Variants in RBFOX1 observed in about 807,000 individuals in gnomAD.
RBFOX1 encodes RNA binding fox-1 homolog 1.
A neutral mutation model predicts 57.7 loss-of-function variants in RBFOX1; 8 were observed. That is an observed-to-expected ratio of 0.14 (90% CI 0.08 to 0.25). The LOEUF (loss-of-function observed/expected upper bound fraction) is 0.25. Ranked by LOEUF, RBFOX1 falls within the 10% of genes least tolerant of loss-of-function variation. The pLI is 1.00. For missense variants in RBFOX1, 611 were observed against 548.5 expected, an observed-to-expected ratio of 1.11 and a Z score of -1.14; for synonymous variants, 326 against 222.4, an observed-to-expected ratio of 1.47 and a Z score of -4.15.
At chr16:6,798,878 C>T (rs1306559138) in intron 3 of RBFOX1, among the ~76,000 whole-genome samples, 1 of 152,080 alleles carries the variant, frequency 6.6e-6, no homozygotes, top group Non-Finnish European at 1.5e-5. Context: ...ACTGATGACT[C>T]TTCCTTTCTG....
intron 6 of RBFOX1, 60 bp from the exon 7 acceptor site, chr16:7,587,187 A>T: frequency 3.5e-6 from 5 of 1,434,240 alleles, no homozygotes; most frequent in Non-Finnish European, 4.6e-6. Context: ...TTACTACTGT[A>T]CATAGTAATG....
At chr16:7,583,139 C>G (rs1031071096) in intron 6 of RBFOX1, among the ~76,000 whole-genome samples, 1 of 138,270 alleles carries the variant, frequency 7.2e-6, no homozygotes, top group African/African-American at 2.7e-5. Flanking sequence ...ATTAAATCTT[C>G]TAGCTCATCT....
chr16:6,663,223 C>T (rs929565054), intron 3 of RBFOX1, among the ~76,000 whole-genome samples: 2 of 152,154 alleles, frequency 1.3e-5, no homozygotes, highest in Non-Finnish European at 2.9e-5. Context: ...GACTTACTGA[C>T]AATGGATGGG....
chr16:6,594,770 A>C (rs1345856006), intron 2 of RBFOX1, among the ~76,000 whole-genome samples: 1 of 151,980 alleles, frequency 6.6e-6, no homozygotes, highest in Non-Finnish European at 1.5e-5. Flanking sequence ...CACCTATTTA[A>C]AGTGTACACT....
intron 4 of RBFOX1, among the ~76,000 whole-genome samples, chr16:7,130,050 T>TTTTTTA (rs2069816827): frequency 6.8e-6 from 1 of 146,926 alleles, no homozygotes; most frequent in African/African-American, 2.5e-5. Flanking sequence ...TTTTTTTTTT[T>TTTTTTA]GAGACAGAGC....
intron 1 of RBFOX1, among the ~76,000 whole-genome samples, chr16:6,206,549 G>A (rs548630310): frequency 1.3e-5 from 2 of 152,178 alleles, no homozygotes; most frequent in Non-Finnish European, 2.9e-5. Context: ...ATCTCCAGGA[G>A]CTGGCGATAT....
intron 1 of RBFOX1, among the ~76,000 whole-genome samples, chr16:5,458,354 G>A (rs1032333642): frequency 6.6e-6 from 1 of 152,112 alleles, no homozygotes; most frequent in Non-Finnish European, 1.5e-5. Context: ...GAAGGGGGTT[G>A]AGGGTCTGTG....
intron 3 of RBFOX1, among the ~76,000 whole-genome samples, chr16:6,778,921 A>T (rs2079857450): frequency 1.3e-5 from 2 of 151,642 alleles, no homozygotes. Context: ...ATTTATGGGG[A>T]CATTTTTATA....
chr16:6,037,956 A>G (rs1269014984), intron 1 of RBFOX1: 1 of 152,042 alleles, frequency 6.6e-6, no homozygotes, highest in East Asian at 1.9e-4. Context: ...GGTTCAGTTA[A>G]TGGCCCATTG....
rs2048211259 is a variant in RBFOX1, at chr16:5,621,888, G to C, written c.318+22927G>C. Among the ~76,000 whole-genome samples, 3 of 152,302 alleles carry C rather than the reference G, an allele frequency of 2.0e-5. No individual in the cohort carries two copies. In the South Asian group the frequency reaches 6.2e-4, roughly 32 times the overall value. On this transcript the variant is annotated intron_variant, in intron 3 of 19. Transcript: ENST00000641259. ...AATGCTTAGGGGTAGTAGTGATGAT[G>C]TCCATACCAGGAAAACATCTTTCAG...
At chr16:6,710,915 G>C (rs984191002) in intron 3 of RBFOX1, among the ~76,000 whole-genome samples, 1 of 152,208 alleles carries the variant, frequency 6.6e-6, no homozygotes, top group Non-Finnish European at 1.5e-5. Flanking sequence ...CTAGAAGACA[G>C]GGAGGGGATG....
chr16:6,724,919 A>G (rs1315291484), intron 3 of RBFOX1, among the ~76,000 whole-genome samples: 2 of 151,902 alleles, frequency 1.3e-5, no homozygotes, highest in Non-Finnish European at 2.9e-5. Context: ...TTGCTGTAGC[A>G]TTTGTAAACT....
At chr16:6,373,579 G>C (rs1475079085) in intron 2 of RBFOX1, among the ~76,000 whole-genome samples, 1 of 152,010 alleles carries the variant, frequency 6.6e-6, no homozygotes, top group Non-Finnish European at 1.5e-5. Context: ...AATGGAGATT[G>C]GGTGGAAGTA....
chr16:6,828,671 T>G (rs1462366771), intron 3 of RBFOX1, among the ~76,000 whole-genome samples: 1 of 151,982 alleles, frequency 6.6e-6, no homozygotes, highest in East Asian at 1.9e-4. Flanking sequence ...TAGGACCTCA[T>G]GATGTGTTTG....
At chr16:6,053,569 A>C (rs1018910295) in intron 1 of RBFOX1, among the ~76,000 whole-genome samples, 2 of 152,254 alleles carry the variant, frequency 1.3e-5, no homozygotes, top group African/African-American at 4.8e-5. Context: ...AATGACTATT[A>C]GTCACAGTTT....
chr16:6,194,992 C>G (rs1047609590), intron 1 of RBFOX1, among the ~76,000 whole-genome samples: 1 of 152,098 alleles, frequency 6.6e-6, no homozygotes, highest in African/African-American at 2.4e-5. Flanking sequence ...TTAGTTCATT[C>G]TTTTTTAATT....
At chr16:5,320,957 A>G (rs2064386212) in intron 1 of RBFOX1, among the ~76,000 whole-genome samples, 1 of 152,194 alleles carries the variant, frequency 6.6e-6, no homozygotes, top group South Asian at 2.1e-4. Context: ...CTCTGCCCAC[A>G]GAACAGCTGT....
At chr16:5,635,463 C>T (rs181806145) in intron 3 of RBFOX1, among the ~76,000 whole-genome samples, 7 of 152,224 alleles carry the variant, frequency 4.6e-5, no homozygotes, top group East Asian at 1.9e-4. Context: ...AAACTAGGGC[C>T]GGGGACTGGA....
chr16:7,499,643 C>A (rs1327421418), intron 4 of RBFOX1, among the ~76,000 whole-genome samples: 1 of 152,062 alleles, frequency 6.6e-6, no homozygotes, highest in African/African-American at 2.4e-5. Flanking sequence ...CGAGAAAAAA[C>A]AGTAAGTGAA....
Sources: gnomAD v4.1 joint callset for allele counts (sites outside exome capture counted in the v4.1 genomes callset) on GRCh38, gnomAD v4.1.1 for gene constraint, MANE v1.5 for transcripts, NCBI Gene and HGNC (gene_info 2026-07-23, HGNC 2026-07-21) for gene names.